The following CADPS2 variants were observed in gnomAD, a reference collection of about 807,000 sequenced individuals.
CADPS2 encodes the protein calcium dependent secretion activator 2, also known as calcium-dependent secretion activator 2.
A neutral mutation model predicts 172.5 loss-of-function variants in CADPS2; 93 were observed. That is an observed-to-expected ratio of 0.54 (90% CI 0.46 to 0.64). The LOEUF (loss-of-function observed/expected upper bound fraction) is 0.64, where lower values mean the gene tolerates loss of function less well. Ranked by LOEUF, CADPS2 falls within the 30% of genes least tolerant of loss-of-function variation. The pLI is 0.00. For synonymous variants in CADPS2, 546 were observed against 555.2 expected, an observed-to-expected ratio of 0.98 and a Z score of 0.23; for missense variants, 1,420 against 1,565.9, an observed-to-expected ratio of 0.91 and a Z score of 1.57.
chr7:122,722,995 G>T (rs867163935), intron 2 of CADPS2, among the ~76,000 whole-genome samples: 25 of 152,000 alleles, frequency 1.6e-4, no homozygotes, highest in African/African-American at 5.8e-4. Context: ...AGCTGAAACT[G>T]GATCCCTTCC....
chr7:122,320,362 C>A, intron 29 of CADPS2, 24 bp from the exon 30 acceptor site: 1 of 1,564,520 alleles, frequency 6.4e-7, no homozygotes, highest in African/African-American at 1.4e-5. Flanking sequence ...ATAAAATTTG[C>A]TTAGCTCACT....
intron 28 of CADPS2, among the ~76,000 whole-genome samples, chr7:122,343,963 AT>A (rs890724719): frequency 1.3e-5 from 2 of 152,144 alleles, no homozygotes; most frequent in African/African-American, 2.4e-5. Context: ...TTAGAAAATC[AT>A]TTTTTTCACA....
intron 27 of CADPS2, among the ~76,000 whole-genome samples, chr7:122,349,732 G>A (rs1389851004): frequency 6.6e-6 from 1 of 152,170 alleles, no homozygotes; most frequent in Non-Finnish European, 1.5e-5. Context: ...AGTTAACCTA[G>A]TAAGATGAAC....
At chr7:122,404,848 G>A (rs552256090) in intron 20 of CADPS2, among the ~76,000 whole-genome samples, 6 of 152,180 alleles carry the variant, frequency 3.9e-5, no homozygotes, top group Admixed American at 6.6e-5. Context: ...ACATATGGCC[G>A]GGCGCGGTGG....
intron 2 of CADPS2, chr7:122,698,267 T>A: frequency 1.9e-6 from 3 of 1,614,044 alleles, no homozygotes; most frequent in Non-Finnish European, 2.5e-6. Context: ...CGGTTCTGAA[T>A]CCTTGCTAAA....
At chr7:122,662,611 C>T (rs1017796167) in intron 3 of CADPS2, among the ~76,000 whole-genome samples, 5 of 152,080 alleles carry the variant, frequency 3.3e-5, no homozygotes, top group Non-Finnish European at 7.4e-5. Context: ...CCTGACCTCA[C>T]TATCTGCCCG....
At chr7:122,452,052 T>G (rs2053189200) in intron 14 of CADPS2, among the ~76,000 whole-genome samples, 1 of 151,802 alleles carries the variant, frequency 6.6e-6, no homozygotes, top group South Asian at 2.1e-4. Flanking sequence ...TTTTCAAGAT[T>G]TTTGTGTTTA....
intron 28 of CADPS2, among the ~76,000 whole-genome samples, chr7:122,333,668 G>A (rs532989046): frequency 6.6e-6 from 1 of 152,084 alleles, no homozygotes; most frequent in African/African-American, 2.4e-5. Flanking sequence ...GTACAATTAG[G>A]GGCTCACCTA....
rs1213110157 is a variant in CADPS2 at position 122,611,158 on chromosome 7, G to C, written c.1223+4023C>G. 2.3e-4 allele frequency among the ~76,000 whole-genome samples: 35 copies of C among 151,988 alleles called. 1 individual carries two copies. The highest frequency in any genetic ancestry group is 2.9e-5 in the Non-Finnish European group (2 of 68,002). Reference sequence around the variant, plus strand: ...AGCCTAACCTTTCACCTAACACACTGTAAAAATGAGAGCAAACTAAACCTA... The same window carrying C: ...AGCCTAACCTTTCACCTAACACACTCTAAAAATGAGAGCAAACTAAACCTA... On this transcript the variant is annotated intron_variant, in intron 6 of 29. Transcript: ENST00000449022.
intron 1 of CADPS2, among the ~76,000 whole-genome samples, chr7:122,885,720 C>G (rs1824173703): frequency 6.6e-6 from 1 of 152,162 alleles, no homozygotes; most frequent in African/African-American, 2.4e-5. Context: ...CTGCCGGGTG[C>G]AACCGCGGCG....
At chr7:122,825,937 A>G (rs535675260) in intron 1 of CADPS2, among the ~76,000 whole-genome samples, 59 of 152,280 alleles carry the variant, frequency 3.9e-4, no homozygotes, top group Admixed American at 2.0e-3. Flanking sequence ...GGTGCCTAAC[A>G]TTAATACCAG....
intron 2 of CADPS2, among the ~76,000 whole-genome samples, chr7:122,689,233 C>T (rs75590378): frequency 0.07 from 10,647 of 152,136 alleles, 608 homozygotes; most frequent in East Asian, 0.19. Flanking sequence ...CCTGGGACAC[C>T]CCTTGTAAAG....
chr7:122,399,950 A>C (rs2045733200), intron 20 of CADPS2, among the ~76,000 whole-genome samples: 1 of 146,250 alleles, frequency 6.8e-6, no homozygotes. Context: ...CTGGGATTAC[A>C]GGCGTGAGCC....
intron 1 of CADPS2, among the ~76,000 whole-genome samples, chr7:122,809,819 C>T (rs1799638605): frequency 6.6e-6 from 1 of 152,170 alleles, no homozygotes; most frequent in Non-Finnish European, 1.5e-5. Flanking sequence ...AGGGTAAGAG[C>T]TTGTTGCCTA....
At chr7:122,580,495 A>G (rs2068666131) in intron 7 of CADPS2, among the ~76,000 whole-genome samples, 1 of 151,862 alleles carries the variant, frequency 6.6e-6, no homozygotes, top group Admixed American at 6.6e-5. Context: ...ATTACAGAAG[A>G]CATCTTCATA....
intron 2 of CADPS2, among the ~76,000 whole-genome samples, chr7:122,719,920 G>T (rs2090160740): frequency 6.6e-6 from 1 of 151,978 alleles, no homozygotes; most frequent in Non-Finnish European, 1.5e-5. Context: ...TTGTAACATA[G>T]AAAATACAAG....
intron 7 of CADPS2, among the ~76,000 whole-genome samples, chr7:122,570,375 A>G (rs2067071680): frequency 6.6e-6 from 1 of 151,288 alleles, no homozygotes; most frequent in African/African-American, 2.4e-5. Context: ...TTAAAAAGTC[A>G]GGAAACAACA....
chr7:122,819,582 C>G (rs1471999333), intron 1 of CADPS2, among the ~76,000 whole-genome samples: 1 of 151,780 alleles, frequency 6.6e-6, no homozygotes, highest in East Asian at 1.9e-4. Flanking sequence ...GACAGCCAGG[C>G]TTCTAAACCT....
intron 3 of CADPS2, among the ~76,000 whole-genome samples, chr7:122,634,400 G>A (rs1009527618): frequency 6.6e-6 from 1 of 152,100 alleles, no homozygotes; most frequent in Admixed American, 6.6e-5. Flanking sequence ...TCAATCTTGG[G>A]AGGTTGTGTG....
Sources: gnomAD v4.1 joint callset for allele counts (sites outside exome capture counted in the v4.1 genomes callset) on GRCh38, gnomAD v4.1.1 for gene constraint, MANE v1.5 for transcripts, NCBI Gene and HGNC (gene_info 2026-07-23, HGNC 2026-07-21) for gene names.